Variants in ATRNL1 observed in about 807,000 individuals in gnomAD.
ATRNL1 encodes attractin-like protein 1.
In ATRNL1, 95 loss-of-function variants were observed where a neutral mutation model predicts 182.7. The observed-to-expected ratio is 0.52, with a 90% confidence interval of 0.44 to 0.62. The LOEUF is 0.62. Ranked by LOEUF, ATRNL1 falls within the 20% of genes least tolerant of loss-of-function variation. The probability of loss-of-function intolerance (pLI) is 0.00; values close to 1 mark genes in which losing one functional copy is unlikely to be tolerated. For missense variants in ATRNL1, 1,471 were observed against 1,679.5 expected (o/e 0.88, Z 2.17); for synonymous variants, 576 against 568.3 (o/e 1.01, Z -0.19).
chr10:115,099,069 C>T (rs1325179598), intron 1 of ATRNL1, among the ~76,000 whole-genome samples: 1 of 152,188 alleles, frequency 6.6e-6, no homozygotes, highest in African/African-American at 2.4e-5. Flanking sequence ...CCATGTGTTT[C>T]CTTTGTAAAC....
At chr10:115,274,128 G>A (rs1851996884) in intron 13 of ATRNL1, among the ~76,000 whole-genome samples, 1 of 152,172 alleles carries the variant, frequency 6.6e-6, no homozygotes, top group African/African-American at 2.4e-5. Flanking sequence ...ATAGGGGCCT[G>A]CCAAAGGCTC....
At chr10:115,430,777 G>A (rs1846122348) in intron 21 of ATRNL1, among the ~76,000 whole-genome samples, 1 of 152,140 alleles carries the variant, frequency 6.6e-6, no homozygotes, top group African/African-American at 2.4e-5. Flanking sequence ...GATAGGGTAT[G>A]GAGGCAATTT....
chr10:115,943,684 A>C (rs1953796535), intron 28 of ATRNL1, among the ~76,000 whole-genome samples: 1 of 150,910 alleles, frequency 6.6e-6, no homozygotes, highest in Admixed American at 6.6e-5. Flanking sequence ...CTAGGTACTT[A>C]TGAATTGAAA....
intron 19 of ATRNL1, among the ~76,000 whole-genome samples, chr10:115,377,749 C>T (rs782779977): frequency 3.9e-5 from 6 of 152,054 alleles, no homozygotes; most frequent in Non-Finnish European, 7.4e-5. Flanking sequence ...ATGGAATTGC[C>T]TCTGAAATTA....
intron 28 of ATRNL1, among the ~76,000 whole-genome samples, chr10:115,929,959 A>T (rs1362845207): frequency 1.3e-5 from 2 of 152,132 alleles, no homozygotes; most frequent in African/African-American, 4.8e-5. Flanking sequence ...ACCATTTGAA[A>T]TTTGATGGTG....
At chr10:115,257,618 A>G (rs1851209721) in intron 10 of ATRNL1, among the ~76,000 whole-genome samples, 1 of 152,112 alleles carries the variant, frequency 6.6e-6, no homozygotes, top group Admixed American at 6.6e-5. Context: ...TTTAAGGTTA[A>G]TATTGTTATG....
At chr10:115,509,172 A>G (rs1210704543) in intron 24 of ATRNL1, among the ~76,000 whole-genome samples, 1 of 152,040 alleles carries the variant, frequency 6.6e-6, no homozygotes, top group Non-Finnish European at 1.5e-5. Context: ...TGAATATTTT[A>G]AGCCCACTGT....
chr10:115,346,775 A>C (rs1202163784), intron 19 of ATRNL1, among the ~76,000 whole-genome samples: 1 of 152,082 alleles, frequency 6.6e-6, no homozygotes, highest in Non-Finnish European at 1.5e-5. Context: ...TATCTTCTAG[A>C]TATGAGGCTC....
intron 26 of ATRNL1, among the ~76,000 whole-genome samples, chr10:115,721,513 G>C (rs1175415241): frequency 6.6e-6 from 1 of 152,038 alleles, no homozygotes; most frequent in Non-Finnish European, 1.5e-5. Flanking sequence ...AATCATGGTG[G>C]GGGGCCAAAG....
chr10:115,231,087 G>C (rs782165696), intron 9 of ATRNL1, among the ~76,000 whole-genome samples: 1 of 152,082 alleles, frequency 6.6e-6, no homozygotes. Context: ...ATACTATACA[G>C]CTTGTGGATA....
chr10:115,135,127 A>G (rs1379058933), intron 5 of ATRNL1, among the ~76,000 whole-genome samples: 1 of 152,132 alleles, frequency 6.6e-6, no homozygotes, highest in African/African-American at 2.4e-5. Context: ...AACGGGCACA[A>G]GACAGGGATG....
At chr10:115,194,352 T>G (rs868995144) in intron 8 of ATRNL1, among the ~76,000 whole-genome samples, 14 of 152,032 alleles carry the variant, frequency 9.2e-5, no homozygotes, top group Non-Finnish European at 7.4e-5. Context: ...CTAATAATGT[T>G]TGCATTATAT....
intron 19 of ATRNL1, among the ~76,000 whole-genome samples, chr10:115,368,784 GT>G (rs1554947086): frequency 6.6e-6 from 1 of 151,184 alleles, no homozygotes; most frequent in East Asian, 1.9e-4. Context: ...TGTGATCTTG[GT>G]TCACTGCAAC....
At chr10:115,740,831 CACACACACACACACACACACACAA>C (rs1948117401) in intron 27 of ATRNL1, among the ~76,000 whole-genome samples, 1 of 13,862 alleles carries the variant, frequency 7.2e-5, no homozygotes, top group African/African-American at 8.1e-5. Flanking sequence ...AACACACACA[CACACACACACACACACACACACAA>C]ACACACACAC....
intron 25 of ATRNL1, among the ~76,000 whole-genome samples, chr10:115,527,986 C>CTCCT (rs1851329907): frequency 3.8e-5 from 1 of 26,372 alleles, no homozygotes; most frequent in African/African-American, 2.0e-4. Flanking sequence ...CCCTCCCTCC[C>CTCCT]TCCCTCCCTC....
chr10:115,513,482 G>T (rs1314117236), intron 24 of ATRNL1, among the ~76,000 whole-genome samples: 1 of 151,568 alleles, frequency 6.6e-6, no homozygotes, highest in Non-Finnish European at 1.5e-5. Flanking sequence ...TTTTTTCACT[G>T]CTAGCTTTTA....
At chr10:115,401,270 A>C (rs1220473729) in intron 20 of ATRNL1, among the ~76,000 whole-genome samples, 9 of 152,068 alleles carry the variant, frequency 5.9e-5, no homozygotes, top group African/African-American at 2.2e-4. Flanking sequence ...TAGATCTACA[A>C]ACTCACTCTG....
chr10:115,203,760 T>C (rs1554893086), intron 8 of ATRNL1, among the ~76,000 whole-genome samples: 1 of 143,740 alleles, frequency 7.0e-6, no homozygotes, highest in Non-Finnish European at 1.5e-5. Context: ...TTTTTTTTTT[T>C]TTTTTTTTGT....
At chr10:115,694,083 C>T (rs564079958) in intron 26 of ATRNL1, among the ~76,000 whole-genome samples, 1 of 151,740 alleles carries the variant, frequency 6.6e-6, no homozygotes, top group East Asian at 1.9e-4. Flanking sequence ...AGTACTTGTT[C>T]CTTATCTATG....
Sources: gnomAD v4.1 joint callset for allele counts (sites outside exome capture counted in the v4.1 genomes callset) on GRCh38, gnomAD v4.1.1 for gene constraint, MANE v1.5 for transcripts, NCBI Gene and HGNC (gene_info 2026-07-23, HGNC 2026-07-21) for gene names.